COPS4: variants seen among roughly 807,000 people sequenced by gnomAD.
COPS4 encodes COP9 signalosome subunit 4, also known as COP9 signalosome complex subunit 4.
In COPS4, 8 loss-of-function variants were observed where a neutral mutation model predicts 55.1. The ratio of observed to expected loss-of-function variants is 0.15; its 90% CI spans 0.09 to 0.26. The LOEUF is 0.26. Among genes scored for constraint, COPS4 ranks in the 10% least tolerant of loss-of-function variants. The pLI, the probability that COPS4 is intolerant of heterozygous loss-of-function variation, is 1.00. For missense variants in COPS4, 248 were observed against 484.0 expected (o/e 0.51, Z 4.58); for synonymous variants, 185 against 165.7 (o/e 1.12, Z -0.90).
rs545155613 is a variant in COPS4 at position 83,065,724 on chromosome 4, C to T, written c.887-714C>T. Among the ~76,000 whole-genome samples the T allele has an allele frequency of 7.9e-5, 12 of 152,334 alleles. No homozygotes were observed. In the South Asian group the frequency reaches 2.5e-3, roughly 32 times the overall value. Reference sequence around the variant, plus strand: ...GGTTAGCCGGATCCTGGATCTGGATCTGGATATTTCTCACATTTGCCTTGG... The same window carrying T: ...GGTTAGCCGGATCCTGGATCTGGATTTGGATATTTCTCACATTTGCCTTGG... On this transcript the variant is annotated intron_variant, in intron 7 of 9. Coordinates refer to ENST00000264389, the MANE Select transcript of COPS4 (RefSeq NM_016129.3).
rs768018797 is a variant in COPS4, at chr4:83,075,469, A to G, written c.*39A>G. 8 of 1,611,876 alleles carry G rather than the reference A, an allele frequency of 5.0e-6. No homozygotes were observed. The South Asian group carries it at 6.6e-5, about 13-fold the overall frequency. On this transcript the variant is annotated 3_prime_UTR_variant, in exon 10 of 10. Coordinates refer to ENST00000264389, the MANE Select transcript of COPS4 (RefSeq NM_016129.3). ...TTCTGTGCACATGACATCTTTTTCC[A>G]TGTTGTGCAGATCAGTTTCACTATC...
intron 1 of COPS4, chr4:83,035,918 T>C (rs1437799882): frequency 6.5e-6 from 1 of 152,836 alleles, no homozygotes; most frequent in African/African-American, 2.4e-5. Context: ...ACAGTAGTGA[T>C]GTTTGCAGGA....
intron 1 of COPS4, chr4:83,035,576 G>T: frequency 3.3e-6 from 1 of 306,432 alleles, no homozygotes; most frequent in Non-Finnish European, 6.6e-6. Flanking sequence ...TTGGAACAGC[G>T]GTCTGAGAGA....
chr4:83,058,722 C>A (rs887217814), intron 6 of COPS4, among the ~76,000 whole-genome samples: 1 of 152,132 alleles, frequency 6.6e-6, no homozygotes, highest in African/African-American at 2.4e-5. Context: ...CTTTACATGT[C>A]AGTACATATA....
rs1247940671 is a variant in COPS4 at position 83,066,472 on chromosome 4, C to T, written c.921C>T (p.His307=). 27 of 1,596,756 alleles carry T rather than the reference C, an allele frequency of 1.7e-5. No homozygotes were observed. The highest frequency in any genetic ancestry group is 2.3e-5 in the Non-Finnish European group (27 of 1,171,608). ...TCTTGGACAGAGCTGTTATTGAACA[C>T]AATTTGTTGTCTGCAAGCAAATTAT... ...SSILDRAVIE[H]NLLSASKLYN... Residue 307 remains histidine (H), a synonymous_variant, in exon 8 of 10, where the codon CAC becomes CAT. Transcript: ENST00000264389.
At chr4:83,041,151 C>T (rs1248417785) in intron 1 of COPS4, among the ~76,000 whole-genome samples, 1 of 151,306 alleles carries the variant, frequency 6.6e-6, no homozygotes, top group African/African-American at 2.4e-5. Context: ...CAATCTCCAC[C>T]TCCCGGGTTC....
intron 1 of COPS4, among the ~76,000 whole-genome samples, chr4:83,040,887 T>G (rs1344241839): frequency 6.6e-6 from 1 of 151,880 alleles, no homozygotes; most frequent in Admixed American, 6.6e-5. Context: ...GTGGTACATT[T>G]TCATGCTTTA....
In COPS4 at chr4:83,063,206, T is replaced by C. The variant is rs746611483; in HGVS notation, c.846T>C (p.Ala282=). 4.3e-6 allele frequency: 7 copies of C among 1,613,476 alleles called. No individual in the cohort carries two copies. Among genetic ancestry groups the C allele is most frequent in the African/African-American group, 1.3e-5 (1 of 74,902 alleles). The change falls in exon 7 of 10, where the codon GCT becomes GCC. Residue 282 remains alanine, a synonymous_variant. Coordinates refer to ENST00000264389, the MANE Select transcript of COPS4 (RefSeq NM_016129.3). ...GAGGAAATCAACTTCAAGAATTTGC[T>C]GCCATGCTGATGCCTCACCAAAAAG... The part of the protein sequence containing the change: ...IIRGNQLQEF[A]AMLMPHQKAT...
At position 83,035,247 on chromosome 4, in the gene COPS4, A is replaced by T; in HGVS notation, c.23A>T (p.Asp8Val). The change falls in exon 1 of 10, where the codon GAT (aspartate) becomes GTT (valine). Residue 8 changes from aspartate to valine, a missense_variant. Asp to Val is a radical substitution (Grantham distance 152). Transcript: ENST00000264389. MAAAVRQ[D>V]LAQLMNSSGS... Reference sequence around the variant, plus strand: ...AAGATGGCGGCAGCCGTGCGACAGGATTTGGCCCAGCTCATGAATTCGAGC... The same window carrying T: ...AAGATGGCGGCAGCCGTGCGACAGGTTTTGGCCCAGCTCATGAATTCGAGC... 1.3e-6 allele frequency: 2 copies of T among 1,573,604 alleles called. No homozygotes were observed. The highest frequency in any genetic ancestry group is 1.7e-6 in the Non-Finnish European group (2 of 1,154,154).
In COPS4 at chr4:83,046,163, A is replaced by G. The variant is rs187966395; in HGVS notation, c.154+458A>G. Among the ~76,000 whole-genome samples, 12 of 151,634 alleles carry G rather than the reference A, an allele frequency of 7.9e-5. No individual in the cohort carries two copies. The East Asian group carries it at 1.9e-3, about 24-fold the overall frequency. ...AAGTGTCTGCTTATGTCCCTTGTCAATGTTTTAATGGGGTTGTTTTCTTAA... is the reference window on the plus strand; with the variant it reads ...AAGTGTCTGCTTATGTCCCTTGTCAGTGTTTTAATGGGGTTGTTTTCTTAA... On this transcript the variant is annotated intron_variant, in intron 2 of 9. Coordinates refer to ENST00000264389, the MANE Select transcript of COPS4 (RefSeq NM_016129.3).
intron 1 of COPS4, among the ~76,000 whole-genome samples, chr4:83,039,160 G>A (rs957812670): frequency 6.6e-6 from 1 of 152,106 alleles, no homozygotes; most frequent in South Asian, 2.1e-4. Context: ...TGCTCCACGT[G>A]GTCTTGGTTC....
At chr4:83,061,056 A>G (rs2126132739) in intron 6 of COPS4, among the ~76,000 whole-genome samples, 1 of 151,906 alleles carries the variant, frequency 6.6e-6, no homozygotes, top group Admixed American at 6.6e-5. Flanking sequence ...AATAATAATA[A>G]TAATAATCCT....
intron 1 of COPS4, among the ~76,000 whole-genome samples, chr4:83,041,835 T>C (rs2126127731): frequency 6.6e-6 from 1 of 152,130 alleles, no homozygotes; most frequent in East Asian, 1.9e-4. Flanking sequence ...AGTTTTATCA[T>C]AACTTTTGTT....
chr4:83,036,973 G>T (rs911452929), intron 1 of COPS4, among the ~76,000 whole-genome samples: 2 of 152,188 alleles, frequency 1.3e-5, no homozygotes, highest in African/African-American at 4.8e-5. Flanking sequence ...TCAGTTATCT[G>T]TTGCTTTGTA....
At chr4:83,035,852 C>T (rs1394034990) in intron 1 of COPS4, 1 of 155,624 alleles carries the variant, frequency 6.4e-6, no homozygotes, top group Non-Finnish European at 1.4e-5. Context: ...TTTTCTCTGC[C>T]ACCAACTCTG....
intron 7 of COPS4, among the ~76,000 whole-genome samples, chr4:83,066,135 G>C (rs1731286543): frequency 6.6e-6 from 1 of 152,028 alleles, no homozygotes; most frequent in Non-Finnish European, 1.5e-5. Flanking sequence ...CTGGGCAACA[G>C]AATGAAACTC....
At chr4:83,065,814 A>G (rs1451419599) in intron 7 of COPS4, among the ~76,000 whole-genome samples, 9 of 152,228 alleles carry the variant, frequency 5.9e-5, no homozygotes, top group African/African-American at 1.9e-4. Context: ...AACAGGTTGC[A>G]TGATTGTTGT....
Position 83,035,204 on chromosome 4 carries a change from C to G in COPS4, c.-21C>G, listed in dbSNP as rs754660978. ...TTTGGCTGCCAGAGGCCCCCGCATC[C>G]ACCGCTGAGCTGGGAGAAAGATGGC... On this transcript the variant is annotated 5_prime_UTR_variant, in exon 1 of 10. Coordinates refer to ENST00000264389, the MANE Select transcript of COPS4 (RefSeq NM_016129.3). 21 of 1,548,782 alleles carry G rather than the reference C, an allele frequency of 1.4e-5. No individual in the cohort carries two copies. Among genetic ancestry groups the G allele is most frequent in the Middle Eastern group, 3.6e-4 (2 of 5,546 alleles).
intron 1 of COPS4, among the ~76,000 whole-genome samples, chr4:83,039,295 G>C (rs1187982915): frequency 6.6e-6 from 1 of 152,158 alleles, no homozygotes; most frequent in African/African-American, 2.4e-5. Flanking sequence ...TATCTCATTA[G>C]CCAGTATGTT....
Sources: gnomAD v4.1 joint callset for allele counts (sites outside exome capture counted in the v4.1 genomes callset) on GRCh38, gnomAD v4.1.1 for gene constraint, MANE v1.5 for transcripts, NCBI Gene and HGNC (gene_info 2026-07-23, HGNC 2026-07-21) for gene names.